The following STARD13 variants were observed in gnomAD, a reference collection of about 807,000 sequenced individuals.
The protein encoded by STARD13 is StAR related lipid transfer domain containing 13, also known as stAR-related lipid transfer protein 13.
In STARD13, 62 loss-of-function variants were observed where a neutral mutation model predicts 106.4. That is an observed-to-expected ratio of 0.58 (90% CI 0.48 to 0.72). STARD13 has a LOEUF of 0.72. STARD13 is among the 30% of genes least tolerant of loss of function. The pLI is 0.00. For missense variants in STARD13, 1,387 were observed against 1,424.0 expected, an observed-to-expected ratio of 0.97 and a Z score of 0.42; for synonymous variants, 565 against 553.0, an observed-to-expected ratio of 1.02 and a Z score of -0.31.
At chr13:33,222,475 A>G (rs1888410251) in intron 1 of STARD13, among the ~76,000 whole-genome samples, 1 of 152,218 alleles carries the variant, frequency 6.6e-6, no homozygotes, top group Non-Finnish European at 1.5e-5. Flanking sequence ...ATTTTGCTAC[A>G]ATTTTACAAA....
the STARD13 span, among the ~76,000 whole-genome samples, chr13:33,605,680 A>G: frequency 6.6e-6 from 1 of 152,196 alleles, no homozygotes; most frequent in Non-Finnish European, 1.5e-5. Context: ...CAAAGTTTTC[A>G]AATCTCTTAA....
rs1566118675 is a variant in STARD13, at chr13:33,285,630, A to G, written c.9T>C (p.Ser3=). 1 of 1,612,862 alleles carries G rather than the reference A, an allele frequency of 6.2e-7. No individual in the cohort carries two copies. The highest frequency in any genetic ancestry group is 8.5e-7 in the Non-Finnish European group (1 of 1,179,824). Reference sequence around the variant, plus strand: ...CTGAGGCTGGGGTCCTGGGCACCTGACTGAACATCTCGGCAGATTTCCTAT... The same window carrying G: ...CTGAGGCTGGGGTCCTGGGCACCTGGCTGAACATCTCGGCAGATTTCCTAT... MF[S]QVPRTPASGC... The change falls in exon 1 of 14, where the codon AGT becomes AGC. Residue 3 remains serine, a synonymous_variant. Transcript: ENST00000336934.
the STARD13 span, among the ~76,000 whole-genome samples, chr13:33,564,997 AAAAAAAAG>A: frequency 6.1e-5 from 9 of 146,368 alleles, no homozygotes; most frequent in African/African-American, 2.3e-4. Flanking sequence ...TCAAAAAAAA[AAAAAAAAG>A]AAAAAAAGAA....
At chr13:33,238,831 TG>T (rs1228687518) in intron 1 of STARD13, among the ~76,000 whole-genome samples, 1 of 152,194 alleles carries the variant, frequency 6.6e-6, no homozygotes, top group East Asian at 1.9e-4. Context: ...TGAGGTAGCA[TG>T]TTTTTTTATT....
chr13:33,499,616 CT>C, the STARD13 span, among the ~76,000 whole-genome samples: 22 of 70,132 alleles, frequency 3.1e-4, 1 homozygote, highest in Non-Finnish European at 1.5e-4. Context: ...TCTTCTTCTT[CT>C]TCTTCTTCTT....
At chr13:33,385,218 AATATATATATATAT>A in the STARD13 span, among the ~76,000 whole-genome samples, 269 of 33,582 alleles carry the variant, frequency 8.0e-3, 11 homozygotes, top group Middle Eastern at 0.11. Flanking sequence ...AAAGGTTCGG[AATATATATATATAT>A]ATATATATAT....
the STARD13 span, among the ~76,000 whole-genome samples, chr13:33,524,848 G>T: frequency 1.3e-5 from 2 of 151,978 alleles, no homozygotes; most frequent in African/African-American, 4.8e-5. Context: ...TTATTTTTGT[G>T]TGTGCGGTGG....
the STARD13 span, among the ~76,000 whole-genome samples, chr13:33,481,994 AAAAG>A: frequency 6.6e-6 from 1 of 151,978 alleles, no homozygotes; most frequent in Non-Finnish European, 1.5e-5. Flanking sequence ...AAAAAAAAAA[AAAAG>A]AAAGAAAAAA....
At chr13:33,548,278 C>T in the STARD13 span, among the ~76,000 whole-genome samples, 42 of 152,108 alleles carry the variant, frequency 2.8e-4, no homozygotes, top group African/African-American at 9.4e-4. Context: ...TGGATGACTG[C>T]TGAAAAACTG....
the STARD13 span, among the ~76,000 whole-genome samples, chr13:33,363,202 C>T: frequency 6.6e-6 from 1 of 152,196 alleles, no homozygotes; most frequent in Non-Finnish European, 1.5e-5. Context: ...TTTTCCTTTA[C>T]TTAATCAGTC....
chr13:33,182,881 C>A (rs1347636414), intron 1 of STARD13, among the ~76,000 whole-genome samples: 1 of 152,224 alleles, frequency 6.6e-6, no homozygotes, highest in Non-Finnish European at 1.5e-5. Flanking sequence ...CAGCCCATCA[C>A]CACGGCCCAC....
the STARD13 span, among the ~76,000 whole-genome samples, chr13:33,578,755 C>G: frequency 1.3e-5 from 2 of 152,062 alleles, no homozygotes; most frequent in Non-Finnish European, 2.9e-5. Flanking sequence ...ATGCACCTGA[C>G]AAAGGACTTA....
the STARD13 span, among the ~76,000 whole-genome samples, chr13:33,525,718 A>T: frequency 6.6e-6 from 1 of 152,134 alleles, no homozygotes; most frequent in Non-Finnish European, 1.5e-5. Flanking sequence ...TGGAGAAAGT[A>T]TCAGATCTGC....
chr13:33,492,363 T>C, the STARD13 span, among the ~76,000 whole-genome samples: 5 of 152,170 alleles, frequency 3.3e-5, no homozygotes, highest in Non-Finnish European at 7.4e-5. Context: ...CAGAGGCGTG[T>C]GAACCAGAGC....
chr13:33,416,982 A>T, the STARD13 span, among the ~76,000 whole-genome samples: 1 of 152,234 alleles, frequency 6.6e-6, no homozygotes, highest in Non-Finnish European at 1.5e-5. Flanking sequence ...AGACTATATA[A>T]AGAATTGCTA....
intron 1 of STARD13, among the ~76,000 whole-genome samples, chr13:33,269,681 G>A (rs1047160297): frequency 5.3e-5 from 8 of 152,072 alleles, no homozygotes; most frequent in Admixed American, 3.3e-4. Context: ...ACTTTAAAAG[G>A]TTTTATTCTC....
chr13:33,563,026 A>G, the STARD13 span, among the ~76,000 whole-genome samples: 32 of 146,940 alleles, frequency 2.2e-4, 6 homozygotes, highest in African/African-American at 7.9e-4. Context: ...CCTAGGAATC[A>G]ATTGAATCAA....
chr13:33,622,728 T>C, the STARD13 span, among the ~76,000 whole-genome samples: 1,689 of 147,100 alleles, frequency 0.011, 19 homozygotes, highest in Admixed American at 0.02. Flanking sequence ...GAGACCATCC[T>C]GGCTAACATG....
intron 1 of STARD13, among the ~76,000 whole-genome samples, chr13:33,314,818 T>A (rs1036369256): frequency 1.3e-5 from 2 of 152,230 alleles, no homozygotes; most frequent in Non-Finnish European, 2.9e-5. Context: ...TTATTCCACC[T>A]ATTTAATAAT....
Sources: allele counts gnomAD v4.1 joint callset (sites outside exome capture counted in the v4.1 genomes callset), GRCh38; gene constraint gnomAD v4.1.1; transcripts MANE v1.5; gene names NCBI Gene and HGNC (gene_info 2026-07-23, HGNC 2026-07-21).